SORL1: variants seen among roughly 807,000 people sequenced by gnomAD.
SORL1 encodes sortilin related receptor 1, also known as sortilin-related receptor.
Under a neutral mutation model 273.7 loss-of-function variants are expected in SORL1, and 127 were observed. The observed-to-expected ratio is 0.46, with a 90% CI of 0.40 to 0.54. The LOEUF is 0.54. Ranked by LOEUF, SORL1 falls within the 20% of genes least tolerant of loss-of-function variation. SORL1 has a pLI of 0.00. For synonymous variants in SORL1, 1,031 were observed against 1,067.4 expected (o/e 0.97, Z 0.66); for missense variants, 2,494 against 2,846.1 (o/e 0.88, Z 2.81).
Position 121,514,205 on chromosome 11 carries a change from C to A in SORL1, c.1095C>A (p.His365Gln), listed in dbSNP as rs1406592743. Residue 365 changes from histidine to glutamine, a missense_variant, in exon 8 of 48, where the codon CAC (histidine) becomes CAA (glutamine). His to Gln is a conservative substitution (Grantham distance 24). Transcript: ENST00000260197. ...SEDQVFVCVS[H>Q]SNNRTNLYIS... The stretch of plus-strand genomic sequence containing the variant: ...ACCAGGTGTTTGTGTGTGTCAGCCA[C>A]AGTAACAACCGCACCAATTTATACA... 6.2e-7 allele frequency: 1 copy of A among 1,614,090 alleles called. No individual in the cohort carries two copies. The highest frequency in any genetic ancestry group is 2.2e-5 in the East Asian group (1 of 44,900).
At position 121,455,428 on chromosome 11, in the gene SORL1, C is replaced by T. The variant is rs185645378; in HGVS notation, c.285+2812C>T. Among the ~76,000 whole-genome samples, 25 of 152,232 alleles carry T rather than the reference C, an allele frequency of 1.6e-4. 1 individual carries two copies. Among genetic ancestry groups the T allele is most frequent in the South Asian group, 1.2e-3 (6 of 4,832 alleles). ...TGCCTGAAGGAAGCAGGCCTAGAGGCGATGTTAAGGCCACCACCTTCAGGG... is the reference window on the plus strand; with the variant it reads ...TGCCTGAAGGAAGCAGGCCTAGAGGTGATGTTAAGGCCACCACCTTCAGGG... On this transcript the variant is annotated intron_variant, in intron 1 of 47. Transcript: ENST00000260197.
chr11:121,537,103 T>G (rs1862278245), intron 12 of SORL1, among the ~76,000 whole-genome samples: 1 of 152,060 alleles, frequency 6.6e-6, no homozygotes, highest in South Asian at 2.1e-4. Context: ...GCATGATCAG[T>G]GGGGAATGTG....
chr11:121,606,815 G>A (rs1253991280), intron 35 of SORL1, 30 bp from the exon 36 acceptor site: 1 of 1,563,666 alleles, frequency 6.4e-7, no homozygotes, highest in Admixed American at 1.7e-5. Context: ...ATGCAGATGG[G>A]TTTTAACCTT....
chr11:121,478,049 A>T, intron 2 of SORL1, 69 bp from the exon 3 acceptor site: 1 of 1,436,586 alleles, frequency 7.0e-7, no homozygotes. Context: ...AAAAAAAAAA[A>T]AAAGAAAGAT....
intron 21 of SORL1, among the ~76,000 whole-genome samples, chr11:121,565,447 C>T (rs754138398): frequency 6.6e-6 from 1 of 152,188 alleles, no homozygotes; most frequent in Middle Eastern, 3.2e-3. Flanking sequence ...TTATCCATAT[C>T]GACACTGATT....
chr11:121,506,457 A>T (rs1861788821), intron 6 of SORL1, among the ~76,000 whole-genome samples: 1 of 152,194 alleles, frequency 6.6e-6, no homozygotes, highest in Admixed American at 6.5e-5. Flanking sequence ...AGGCAAAGAG[A>T]GCTCATGCAG....
At chr11:121,541,652 A>C (rs1048333324) in intron 12 of SORL1, among the ~76,000 whole-genome samples, 10 of 152,260 alleles carry the variant, frequency 6.6e-5, no homozygotes, top group Admixed American at 5.9e-4. Context: ...AAAGTTTTGC[A>C]TATAATTTGG....
chr11:121,597,548 G>A (rs1157742636), intron 32 of SORL1, among the ~76,000 whole-genome samples: 1 of 151,536 alleles, frequency 6.6e-6, no homozygotes, highest in African/African-American at 2.4e-5. Flanking sequence ...TGCAGCTTCC[G>A]CCTTTCGAGC....
chr11:121,478,083 T>C, intron 2 of SORL1, 35 bp from the exon 3 acceptor site: 2 of 1,520,004 alleles, frequency 1.3e-6, no homozygotes, highest in Non-Finnish European at 1.8e-6. Context: ...TCTCACCAAC[T>C]CTTTCTTTTT....
intron 5 of SORL1, among the ~76,000 whole-genome samples, chr11:121,491,510 T>C (rs1013090579): frequency 1.3e-5 from 2 of 152,154 alleles, no homozygotes; most frequent in African/African-American, 4.8e-5. Context: ...TATTGCAAAC[T>C]TGACCCCTCG....
At chr11:121,625,643 C>T (rs1863785528) in intron 46 of SORL1, among the ~76,000 whole-genome samples, 2 of 152,124 alleles carry the variant, frequency 1.3e-5, no homozygotes, top group Admixed American at 1.3e-4. Flanking sequence ...TAGATCATCT[C>T]CTTGTCATGG....
chr11:121,601,763 G>A (rs756765486), intron 32 of SORL1, among the ~76,000 whole-genome samples: 1 of 152,020 alleles, frequency 6.6e-6, no homozygotes. Context: ...AAAATTTTGA[G>A]ACATACTTTA....
chr11:121,559,343 A>G (rs911810355), intron 20 of SORL1, among the ~76,000 whole-genome samples, 176 bp from the exon 21 acceptor site: 1 of 152,146 alleles, frequency 6.6e-6, no homozygotes, highest in Non-Finnish European at 1.5e-5. Context: ...CTGTGGGGTT[A>G]TATGGTGAGG....
chr11:121,504,511 A>G (rs1861759618), intron 6 of SORL1, among the ~76,000 whole-genome samples: 1 of 152,098 alleles, frequency 6.6e-6, no homozygotes, highest in African/African-American at 2.4e-5. Flanking sequence ...ATAGAACATG[A>G]TTGATTTTTG....
chr11:121,574,428 G>A, intron 24 of SORL1, 65 bp downstream of exon 24: 2 of 1,505,984 alleles, frequency 1.3e-6, no homozygotes, highest in South Asian at 2.3e-5. Context: ...CCCTCACAGG[G>A]CTGTACTGGT....
In SORL1 at chr11:121,557,369, A is replaced by T; in HGVS notation, c.2627A>T (p.Asp876Val). Residue 876 changes from aspartate (D) to valine (V), a missense_variant, in exon 19 of 48, where the codon GAT becomes GTT. Transcript: ENST00000260197. ...RLTIVNSSVL[D>V]RPRALVLVPQ... ...ACAATCGTCAATTCCTCTGTGCTTG[A>T]TCGTCCCAGGGCTCTGGTCCTCGTG... The T allele has an allele frequency of 6.2e-7, 1 of 1,614,126 alleles. No homozygotes were observed. The highest frequency in any genetic ancestry group is 1.1e-5 in the South Asian group (1 of 91,082).
intron 46 of SORL1, chr11:121,626,505 C>T (rs1863797095): frequency 6.6e-6 from 1 of 151,736 alleles, no homozygotes; most frequent in Non-Finnish European, 1.5e-5. Flanking sequence ...AATACAGACA[C>T]GAATATTGAA....
At chr11:121,516,494 C>G (rs1458826684) in intron 8 of SORL1, among the ~76,000 whole-genome samples, 1 of 152,116 alleles carries the variant, frequency 6.6e-6, no homozygotes, top group Non-Finnish European at 1.5e-5. Context: ...TGGGACTTAC[C>G]TGGTTGGAGA....
intron 16 of SORL1, among the ~76,000 whole-genome samples, chr11:121,552,364 C>T (rs906310346): frequency 2.0e-5 from 3 of 152,200 alleles, no homozygotes; most frequent in African/African-American, 4.8e-5. Flanking sequence ...AAGCATTGCG[C>T]GCTGGAATGC....
Sources: allele counts gnomAD v4.1 joint callset (sites outside exome capture counted in the v4.1 genomes callset), GRCh38; gene constraint gnomAD v4.1.1; transcripts MANE v1.5; gene names NCBI Gene and HGNC (gene_info 2026-07-23, HGNC 2026-07-21).